Variants in TUSC3 observed in about 807,000 individuals in gnomAD.
TUSC3 encodes tumor suppressor candidate 3.
A neutral mutation model predicts 44.8 loss-of-function variants in TUSC3; 45 were observed. That is an observed-to-expected ratio of 1.00 (90% CI 0.79 to 1.29). TUSC3 has a LOEUF of 1.29. TUSC3 is among the 50% of genes most tolerant of loss of function. The pLI, the probability that TUSC3 is intolerant of heterozygous loss-of-function variation, is 0.00. For synonymous variants in TUSC3, 212 were observed against 152.9 expected, an observed-to-expected ratio of 1.39 and a Z score of -2.85; for missense variants, 519 against 437.9, an observed-to-expected ratio of 1.19 and a Z score of -1.65.
chr8:15,775,617 TA>T, the TUSC3 span, among the ~76,000 whole-genome samples: 1 of 131,586 alleles, frequency 7.6e-6, no homozygotes, highest in African/African-American at 2.9e-5. Context: ...TGTATGTACA[TA>T]TATATATACA....
At chr8:15,715,691 G>A (rs1057374873) in intron 6 of TUSC3, among the ~76,000 whole-genome samples, 2 of 149,300 alleles carry the variant, frequency 1.3e-5, no homozygotes. Flanking sequence ...ATTTCCTGAT[G>A]TAAAACAGAA....
At chr8:15,537,733 A>C (rs118101502), upstream of TUSC3, among the ~76,000 whole-genome samples, 89 of 152,340 alleles carry the variant, frequency 5.8e-4, no homozygotes, top group East Asian at 0.016. Flanking sequence ...GAGGCTCTGA[A>C]AATTGGTAAT....
In TUSC3 at chr8:15,606,734, G is replaced by A. The variant is rs552899015; in HGVS notation, c.139-16346G>A. Among the ~76,000 whole-genome samples, 13 of 152,044 alleles carry A rather than the reference G, an allele frequency of 8.6e-5. No individual in the cohort carries two copies. In the East Asian group the frequency reaches 2.5e-3, roughly 29 times the overall value. On this transcript the variant is annotated intron_variant, in intron 1 of 10. Coordinates refer to ENST00000503731, the MANE Select transcript of TUSC3 (RefSeq NM_006765.4). The stretch of plus-strand genomic sequence containing the variant: ...CCTTTTATATTTACGTGTGTACTTT[G>A]TCTGATTATTTCTTTAGGATAAATT...
At position 15,748,453 on chromosome 8, in the gene TUSC3, GC is replaced by G; in HGVS notation, c.1017del (p.Tyr340IlefsTer13). The G allele has an allele frequency of 6.2e-7, 1 of 1,611,458 alleles. No homozygotes were observed. Among genetic ancestry groups the G allele is most frequent in the Non-Finnish European group, 8.5e-7 (1 of 1,177,844 alleles). On this transcript the variant is annotated frameshift_variant, in exon 9 of 11. Transcript: ENST00000503731. LOFTEE classifies it high-confidence loss of function. ...TCAATATTTCGTTCCAAGTACCACG[GC>G]TATCCTTATAGGTAATATCTTTATA... ...LLSIFRSKYH[G>X]YPYSDLDFE
At chr8:15,753,654 T>G (rs1032380675) in intron 9 of TUSC3, among the ~76,000 whole-genome samples, 1 of 152,082 alleles carries the variant, frequency 6.6e-6, no homozygotes, top group Non-Finnish European at 1.5e-5. Context: ...GTTTCCTTCT[T>G]AAATAAGCTT....
At chr8:15,785,454 C>CTT in the TUSC3 span, among the ~76,000 whole-genome samples, 6 of 143,904 alleles carry the variant, frequency 4.2e-5, no homozygotes, top group Admixed American at 2.8e-4. Context: ...TTTTTCATTC[C>CTT]TTTTTTTTTT....
At chr8:15,596,977 A>G (rs1007132990) in intron 1 of TUSC3, among the ~76,000 whole-genome samples, 1 of 152,182 alleles carries the variant, frequency 6.6e-6, no homozygotes, top group African/African-American at 2.4e-5. Flanking sequence ...TTGGTTAGGT[A>G]GCACCAGTTG....
intron 6 of TUSC3, among the ~76,000 whole-genome samples, chr8:15,697,304 T>C (rs948684535): frequency 1.1e-4 from 16 of 152,338 alleles, no homozygotes; most frequent in Middle Eastern, 3.4e-3. Context: ...TCTTGGTTAT[T>C]TCCTTTCTTC....
chr8:15,818,346 C>G, the TUSC3 span, among the ~76,000 whole-genome samples: 1 of 152,124 alleles, frequency 6.6e-6, no homozygotes, highest in African/African-American at 2.4e-5. Context: ...AGCTTTTCAG[C>G]TTTTTCCTTA....
At chr8:15,485,340 T>C (rs1384987023) in intron 2 of TUSC3, among the ~76,000 whole-genome samples, 1 of 152,248 alleles carries the variant, frequency 6.6e-6, no homozygotes, top group Non-Finnish European at 1.5e-5. Flanking sequence ...GTTTCTTTGC[T>C]GCATTTTTAT....
chr8:15,820,668 A>T, the TUSC3 span, among the ~76,000 whole-genome samples: 1 of 152,108 alleles, frequency 6.6e-6, no homozygotes, highest in African/African-American at 2.4e-5. Flanking sequence ...TATTGGCATT[A>T]TGCTGGCCTT....
chr8:15,582,808 C>A (rs1429084), intron 1 of TUSC3, among the ~76,000 whole-genome samples: 1 of 152,246 alleles, frequency 6.6e-6, no homozygotes, highest in African/African-American at 2.4e-5. Flanking sequence ...TCACTCACCA[C>A]CTCCCCAGAA....
intron 1 of TUSC3, among the ~76,000 whole-genome samples, chr8:15,611,084 T>C (rs1253892599): frequency 6.6e-6 from 1 of 152,234 alleles, no homozygotes; most frequent in Non-Finnish European, 1.5e-5. Flanking sequence ...AAAAGGTCTT[T>C]AGGATCTTCC....
At chr8:15,504,377 G>C (rs1362732607) in intron 2 of TUSC3, among the ~76,000 whole-genome samples, 2 of 151,944 alleles carry the variant, frequency 1.3e-5, no homozygotes, top group Non-Finnish European at 1.5e-5. Flanking sequence ...AAACTACTGA[G>C]TGTAATGCCT....
At chr8:15,635,915 GACCTCT>G (rs1225842292) in intron 2 of TUSC3, among the ~76,000 whole-genome samples, 3 of 152,182 alleles carry the variant, frequency 2.0e-5, no homozygotes, top group Non-Finnish European at 2.9e-5. Flanking sequence ...TACGTTAAGT[GACCTCT>G]TGGTGACTAG....
chr8:15,435,595 T>C (rs556443640), intron 1 of TUSC3, among the ~76,000 whole-genome samples: 74 of 152,298 alleles, frequency 4.9e-4, no homozygotes, highest in Middle Eastern at 6.8e-3. Context: ...TGAAACTCTT[T>C]AGAGGTACCT....
the TUSC3 span, among the ~76,000 whole-genome samples, chr8:15,818,436 A>T: frequency 6.6e-6 from 1 of 152,096 alleles, no homozygotes. Context: ...TCTATTTTTA[A>T]TTTTCACAGA....
In TUSC3 at chr8:15,743,621, CTG is replaced by C. The variant is rs1811287018; in HGVS notation, c.937+13_937+14del. ...TGTTGGAAAAAGACGGAGTAAGTCT[CTG>C]TGTTGCCATTTTTGTAATTTCGTTT... On this transcript the variant is annotated intron_variant, in intron 8 of 10. Coordinates refer to ENST00000503731, the MANE Select transcript of TUSC3 (RefSeq NM_006765.4). 7 of 1,613,702 alleles carry C rather than the reference CTG, an allele frequency of 4.3e-6. No individual in the cohort carries two copies. The highest frequency in any genetic ancestry group is 5.9e-6 in the Non-Finnish European group (7 of 1,179,798).
chr8:15,806,910 C>A, the TUSC3 span: 2 of 1,384,632 alleles, frequency 1.4e-6, no homozygotes, highest in East Asian at 2.3e-5. Context: ...ATCTGTTGAC[C>A]CACTTCTATC....
Sources: allele counts gnomAD v4.1 joint callset (sites outside exome capture counted in the v4.1 genomes callset), GRCh38; gene constraint gnomAD v4.1.1; transcripts MANE v1.5; gene names NCBI Gene and HGNC (gene_info 2026-07-23, HGNC 2026-07-21).